The following EGFLAM variants were observed in gnomAD, a reference collection of about 807,000 sequenced individuals.
EGFLAM encodes pikachurin.
Under a neutral mutation model 113.1 loss-of-function variants are expected in EGFLAM, and 79 were observed. The observed-to-expected ratio is 0.70, with a 90% CI of 0.58 to 0.84. The LOEUF is 0.84. Ranked by LOEUF, EGFLAM falls within the 40% of genes least tolerant of loss-of-function variation. The pLI is 0.00. For synonymous variants in EGFLAM, 504 were observed against 487.6 expected (o/e 1.03, Z -0.44); for missense variants, 1,265 against 1,291.6 (o/e 0.98, Z 0.32).
chr5:38,391,816 G>T (rs991291223), intron 6 of EGFLAM, among the ~76,000 whole-genome samples: 1 of 151,064 alleles, frequency 6.6e-6, no homozygotes, highest in East Asian at 2.0e-4. Context: ...TTACTCTGCC[G>T]CCCAGGCTGG....
At chr5:38,448,418 G>A (rs1742796916) in intron 18 of EGFLAM, 39 bp downstream of exon 18, 3 of 1,600,368 alleles carry the variant, frequency 1.9e-6, no homozygotes, top group Admixed American at 1.7e-5. Context: ...AGCTTTCTGG[G>A]GGTAAATTTC....
At chr5:38,295,442 A>G (rs1579739074) in intron 1 of EGFLAM, among the ~76,000 whole-genome samples, 1 of 152,180 alleles carries the variant, frequency 6.6e-6, no homozygotes, top group Non-Finnish European at 1.5e-5. Context: ...ATGGCTTGTG[A>G]ATAAAGTTTA....
At chr5:38,396,663 C>A (rs1740969641) in intron 6 of EGFLAM, among the ~76,000 whole-genome samples, 1 of 152,230 alleles carries the variant, frequency 6.6e-6, no homozygotes, top group Non-Finnish European at 1.5e-5. Flanking sequence ...GCGCACCCCA[C>A]CTCCAGTCCT....
In EGFLAM at chr5:38,439,244, G is replaced by A. The variant is rs374219710; in HGVS notation, c.2464+789G>A. Reference sequence around the variant, plus strand: ...AGCCAAGGCAGGTCATAGACCATGAGACCCTGCTGGACTTGCTTTCTGTAC... The same window carrying A: ...AGCCAAGGCAGGTCATAGACCATGAAACCCTGCTGGACTTGCTTTCTGTAC... On this transcript the variant is annotated intron_variant, in intron 17 of 21. Coordinates refer to ENST00000322350, the MANE Select transcript of EGFLAM (RefSeq NM_152403.4). 4.6e-5 allele frequency among the ~76,000 whole-genome samples: 7 copies of A among 152,172 alleles called. No individual in the cohort carries two copies. The East Asian group carries it at 7.7e-4, about 17-fold the overall frequency.
chr5:38,330,975 T>C (rs2111924681), intron 1 of EGFLAM, among the ~76,000 whole-genome samples: 1 of 152,008 alleles, frequency 6.6e-6, no homozygotes, highest in East Asian at 1.9e-4. Context: ...TACAGATCAG[T>C]GAGAAAAAAA....
intron 1 of EGFLAM, among the ~76,000 whole-genome samples, chr5:38,335,888 A>C (rs979416745): frequency 6.6e-6 from 1 of 152,212 alleles, no homozygotes; most frequent in Non-Finnish European, 1.5e-5. Flanking sequence ...GGAGAATTAC[A>C]TGCAATAGTT....
chr5:38,412,797 G>T (rs1180003750), intron 11 of EGFLAM, 149 bp downstream of exon 11: 10 of 1,267,450 alleles, frequency 7.9e-6, no homozygotes, highest in Non-Finnish European at 9.5e-6. Flanking sequence ...GTGAACCCAT[G>T]CAACAGACCT....
At chr5:38,433,684 C>T (rs1444172698) in intron 15 of EGFLAM, among the ~76,000 whole-genome samples, 1 of 152,198 alleles carries the variant, frequency 6.6e-6, no homozygotes. Context: ...ACCCTGCATC[C>T]TTCCTCCTTT....
In EGFLAM at chr5:38,418,096, C is replaced by T. The variant is rs748843564; in HGVS notation, c.1525C>T (p.Pro509Ser). Reference protein sequence around the residue: ...GQYSKITFRTPLYLGGAPSAY... With the variant: ...GQYSKITFRTSLYLGGAPSAY... ...ATACAGTAAAATTACTTTCCGGACACCTCTCTATCTTGGTGGCGCTCCCAG... is the reference window on the plus strand; with the variant it reads ...ATACAGTAAAATTACTTTCCGGACATCTCTCTATCTTGGTGGCGCTCCCAG... Residue 509 changes from proline (P) to serine (S), a missense_variant, in exon 12 of 22, where the codon CCT becomes TCT. By Grantham distance (74) the Pro-to-Ser change is moderately conservative. Transcript: ENST00000322350. 6.2e-7 allele frequency: 1 copy of T among 1,613,964 alleles called. No homozygotes were observed. Among genetic ancestry groups the T allele is most frequent in the Admixed American group, 1.7e-5 (1 of 60,000 alleles).
In EGFLAM at chr5:38,418,510, A is replaced by G. The variant is rs563585519; in HGVS notation, c.1684+255A>G. ...AAACCCTGGTTCTGTCCTGCTAGCA[A>G]TTTGGGCCTCATCATGAAATATGGC... On this transcript the variant is annotated intron_variant, in intron 12 of 21. Transcript: ENST00000322350. 6.0e-4 allele frequency among the ~76,000 whole-genome samples: 92 copies of G among 152,278 alleles called. 1 individual carries two copies. The highest frequency in any genetic ancestry group is 2.2e-3 in the African/African-American group (90 of 41,558).
intron 5 of EGFLAM, among the ~76,000 whole-genome samples, chr5:38,353,908 C>A (rs1178212632): frequency 6.6e-6 from 1 of 152,202 alleles, no homozygotes; most frequent in African/African-American, 2.4e-5. Flanking sequence ...CCAGCAAAAT[C>A]TCAATATTTA....
chr5:38,300,098 A>C (rs1012708950), intron 1 of EGFLAM, among the ~76,000 whole-genome samples: 1 of 152,188 alleles, frequency 6.6e-6, no homozygotes, highest in African/African-American at 2.4e-5. Flanking sequence ...TTTTAAATGG[A>C]GTGGTCAGAT....
At chr5:38,408,754 C>T (rs937819916) in intron 9 of EGFLAM, among the ~76,000 whole-genome samples, 2 of 152,172 alleles carry the variant, frequency 1.3e-5, no homozygotes, top group South Asian at 2.1e-4. Flanking sequence ...AAGTAAAGAG[C>T]GGGTCAAAGA....
intron 1 of EGFLAM, among the ~76,000 whole-genome samples, chr5:38,274,955 G>A (rs946650267): frequency 6.6e-6 from 1 of 151,374 alleles, no homozygotes; most frequent in Non-Finnish European, 1.5e-5. Flanking sequence ...AAAATGTGGA[G>A]GGGTAGTGAA....
intron 2 of EGFLAM, 77 bp downstream of exon 2, chr5:38,337,706 A>G (rs1739225360): frequency 1.6e-6 from 2 of 1,236,122 alleles, no homozygotes; most frequent in Non-Finnish European, 2.3e-6. Context: ...TGCTTTTTCT[A>G]GATATCTGTC....
chr5:38,374,229 A>T (rs1485779027), intron 6 of EGFLAM, among the ~76,000 whole-genome samples: 1 of 152,190 alleles, frequency 6.6e-6, no homozygotes, highest in East Asian at 1.9e-4. Context: ...CCCGCTGCCT[A>T]GACAGAGCCT....
Position 38,438,474 on chromosome 5 carries a change from G to T in EGFLAM, c.2464+19G>T, listed in dbSNP as rs1742430570. The T allele has an allele frequency of 6.3e-7, 1 of 1,575,422 alleles. No individual in the cohort carries two copies. Among genetic ancestry groups the T allele is most frequent in the South Asian group, 1.2e-5 (1 of 84,624 alleles). On this transcript the variant is annotated intron_variant, in intron 17 of 21. Transcript: ENST00000322350. ...CAGAAAGGTACGCTCAGGGGTCTGA[G>T]GCACAGCTCCCTGGAGGGAGTGGAA...
intron 13 of EGFLAM, 131 bp from the exon 14 acceptor site, chr5:38,426,878 C>A (rs1742026739): frequency 1.5e-6 from 2 of 1,378,812 alleles, no homozygotes; most frequent in Non-Finnish European, 2.0e-6. Context: ...GTCACACCAC[C>A]AACCTAACTG....
chr5:38,324,948 G>T (rs1738838255), intron 1 of EGFLAM, among the ~76,000 whole-genome samples: 1 of 152,180 alleles, frequency 6.6e-6, no homozygotes, highest in Non-Finnish European at 1.5e-5. Flanking sequence ...TACAGGAGGG[G>T]CTCGGGTCAA....
Sources: gnomAD v4.1 joint callset for allele counts (sites outside exome capture counted in the v4.1 genomes callset) on GRCh38, gnomAD v4.1.1 for gene constraint, MANE v1.5 for transcripts, NCBI Gene and HGNC (gene_info 2026-07-23, HGNC 2026-07-21) for gene names.